PKNOX2: variants seen among roughly 807,000 people sequenced by gnomAD.
PKNOX2 encodes the protein homeobox protein PKNOX2.
Under a neutral mutation model 53.1 loss-of-function variants are expected in PKNOX2, and 14 were observed. The ratio of observed to expected loss-of-function variants is 0.26; its 90% CI spans 0.17 to 0.41. PKNOX2 has a LOEUF of 0.41. Ranked by LOEUF, PKNOX2 falls within the 10% of genes least tolerant of loss-of-function variation. PKNOX2 has a pLI of 1.00. For synonymous variants in PKNOX2, 257 were observed against 242.8 expected (o/e 1.06, Z -0.54); for missense variants, 496 against 602.8 (o/e 0.82, Z 1.85).
intron 1 of PKNOX2, among the ~76,000 whole-genome samples, chr11:125,217,860 C>G (rs908530986): frequency 6.6e-6 from 1 of 152,110 alleles, no homozygotes. Flanking sequence ...ATAAGGAAAC[C>G]GAATTGCAGT....
intron 4 of PKNOX2, among the ~76,000 whole-genome samples, chr11:125,362,024 G>C (rs1015098227): frequency 2.0e-5 from 3 of 152,226 alleles, no homozygotes; most frequent in African/African-American, 7.2e-5. Flanking sequence ...TCATTGTTGG[G>C]AGAATGATTT....
intron 1 of PKNOX2, among the ~76,000 whole-genome samples, chr11:125,209,550 G>A (rs1939573750): frequency 6.6e-6 from 1 of 151,968 alleles, no homozygotes; most frequent in Non-Finnish European, 1.5e-5. Flanking sequence ...GCATGCTCAG[G>A]AAGAAGGAAA....
chr11:125,180,567 C>T (rs1421742967), intron 1 of PKNOX2, among the ~76,000 whole-genome samples: 1 of 152,238 alleles, frequency 6.6e-6, no homozygotes, highest in Admixed American at 6.5e-5. Context: ...GGAGGTACTT[C>T]AGGGGCTTGT....
chr11:125,233,313 A>G (rs1942389386), intron 1 of PKNOX2, among the ~76,000 whole-genome samples: 1 of 152,230 alleles, frequency 6.6e-6, no homozygotes, highest in African/African-American at 2.4e-5. Flanking sequence ...GATAGAGCAT[A>G]CAGCTCCATG....
chr11:125,202,623 G>A (rs1024520504), intron 1 of PKNOX2, among the ~76,000 whole-genome samples: 1 of 151,988 alleles, frequency 6.6e-6, no homozygotes, highest in Admixed American at 6.5e-5. Context: ...ACCGAGGGAT[G>A]TCTGGCATCC....
chr11:125,425,156 T>C (rs1213152126), intron 10 of PKNOX2, among the ~76,000 whole-genome samples: 1 of 152,196 alleles, frequency 6.6e-6, no homozygotes, highest in East Asian at 1.9e-4. Context: ...ATCATCCCCA[T>C]GTCCAAGAGT....
chr11:125,197,553 G>C (rs1299141120), intron 1 of PKNOX2, among the ~76,000 whole-genome samples: 1 of 152,200 alleles, frequency 6.6e-6, no homozygotes, highest in African/African-American at 2.4e-5. Flanking sequence ...TCAGCTGCCT[G>C]TCAAGGCTCT....
chr11:125,412,347 C>T (rs1198350551), intron 10 of PKNOX2, among the ~76,000 whole-genome samples: 1 of 152,218 alleles, frequency 6.6e-6, no homozygotes, highest in African/African-American at 2.4e-5. Context: ...GGCGCCAAGG[C>T]TGGAATCCTG....
At position 125,166,649 on chromosome 11, in the gene PKNOX2, A is replaced by C. The variant is rs930540274; in HGVS notation, c.-201+1873A>C. 2.0e-5 allele frequency among the ~76,000 whole-genome samples: 3 copies of C among 152,164 alleles called. No homozygotes were observed. The highest frequency in any genetic ancestry group is 7.2e-5 in the African/African-American group (3 of 41,460). ...GGCAGCGCTAGCAGCGAGGTGCCAC[A>C]GTGGGCCGAGGAGTCTGGGCTGTGG... On this transcript the variant is annotated intron_variant, in intron 1 of 12. Coordinates refer to ENST00000298282, the MANE Select transcript of PKNOX2 (RefSeq NM_001382323.2). This position sits in a 1 kb window ranked among gnomAD's most constrained non-coding sequence, Gnocchi z 4.0.
intron 6 of PKNOX2, among the ~76,000 whole-genome samples, chr11:125,389,681 T>G (rs1953907841): frequency 2.0e-5 from 3 of 152,266 alleles, no homozygotes; most frequent in Non-Finnish European, 1.5e-5. Flanking sequence ...AAAAGCTTTT[T>G]GTTTTATAAA....
chr11:125,186,681 T>C (rs1467114190), intron 1 of PKNOX2, among the ~76,000 whole-genome samples: 5 of 152,222 alleles, frequency 3.3e-5, no homozygotes, highest in Non-Finnish European at 7.3e-5. Flanking sequence ...AATAAATAGA[T>C]AATTGTCCTT....
In PKNOX2 at chr11:125,299,038, T is replaced by C. The variant is rs1026774959; in HGVS notation, c.-129-32781T>C. 5.9e-5 allele frequency among the ~76,000 whole-genome samples: 9 copies of C among 151,996 alleles called. No individual in the cohort carries two copies. In the East Asian group the frequency reaches 1.7e-3, roughly 29 times the overall value. On this transcript the variant is annotated intron_variant, in intron 2 of 12. Coordinates refer to ENST00000298282, the MANE Select transcript of PKNOX2 (RefSeq NM_001382323.2). ...AGGCTGTACAAGCATGGTGCCAGCA[T>C]CTTCTCGGGTTTGGGGAGGCCTCTG...
At chr11:125,205,592 T>G (rs547473029) in intron 1 of PKNOX2, among the ~76,000 whole-genome samples, 4 of 150,332 alleles carry the variant, frequency 2.7e-5, no homozygotes. Context: ...AAGCAGAGAC[T>G]GGGTTATAAC....
intron 3 of PKNOX2, among the ~76,000 whole-genome samples, chr11:125,342,391 TCA>T (rs1030459498): frequency 1.3e-5 from 2 of 152,012 alleles, no homozygotes; most frequent in African/African-American, 2.4e-5. Flanking sequence ...GCCACCCTAC[TCA>T]CACCTTACAT....
At chr11:125,350,439 C>G (rs1040211650) in intron 3 of PKNOX2, among the ~76,000 whole-genome samples, 5 of 152,134 alleles carry the variant, frequency 3.3e-5, no homozygotes, top group Admixed American at 3.3e-4. Context: ...CCCCGCCCTC[C>G]CATACACAAG....
At chr11:125,395,857 TCTC>T (rs1364411419) in intron 6 of PKNOX2, among the ~76,000 whole-genome samples, 2 of 152,192 alleles carry the variant, frequency 1.3e-5, no homozygotes, top group Non-Finnish European at 2.9e-5. Context: ...TTGCAAATAT[TCTC>T]CTCCAGTATG....
At chr11:125,380,478 T>C (rs1953144210) in intron 5 of PKNOX2, among the ~76,000 whole-genome samples, 1 of 152,166 alleles carries the variant, frequency 6.6e-6, no homozygotes, top group Admixed American at 6.5e-5. Context: ...TGAGCTCTTA[T>C]GGAGGTCACA....
chr11:125,343,280 C>G (rs568976843), intron 3 of PKNOX2, among the ~76,000 whole-genome samples: 2 of 152,198 alleles, frequency 1.3e-5, no homozygotes, highest in Non-Finnish European at 2.9e-5. Flanking sequence ...CAGACAGGAC[C>G]CACCGCAGGT....
chr11:125,293,590 A>T (rs561319597), intron 2 of PKNOX2, among the ~76,000 whole-genome samples: 3 of 152,320 alleles, frequency 2.0e-5, no homozygotes, highest in South Asian at 4.2e-4. Context: ...TGGGCATCTA[A>T]GTTGTTATTA....
Sources: allele counts gnomAD v4.1 joint callset (sites outside exome capture counted in the v4.1 genomes callset), GRCh38; gene constraint gnomAD v4.1.1; non-coding constraint Gnocchi (gnomAD v3.1); transcripts MANE v1.5; gene names NCBI Gene and HGNC (gene_info 2026-07-23, HGNC 2026-07-21).